The following FAM174A variants were observed in gnomAD, a reference collection of about 807,000 sequenced individuals.
FAM174A encodes the protein family with sequence similarity 174 member A, also known as membrane protein FAM174A.
A neutral mutation model predicts 14.3 loss-of-function variants in FAM174A; 14 were observed. The ratio of observed to expected loss-of-function variants is 0.98; its 90% CI spans 0.65 to 1.53. The LOEUF is 1.53. FAM174A is among the 40% of genes most tolerant of loss of function. The pLI, the probability that FAM174A is intolerant of heterozygous loss-of-function variation, is 0.00. For synonymous variants in FAM174A, 108 were observed against 111.4 expected (o/e 0.97, Z 0.19); for missense variants, 241 against 249.6 (o/e 0.97, Z 0.23).
At chr5:100,568,475 A>G (rs528974734) in intron 2 of FAM174A, among the ~76,000 whole-genome samples, 28 of 151,972 alleles carry the variant, frequency 1.8e-4, no homozygotes, top group African/African-American at 6.3e-4. Context: ...TATATAATAC[A>G]TAAATACACC....
intron 2 of FAM174A, among the ~76,000 whole-genome samples, chr5:100,571,777 T>C (rs557107497): frequency 2.0e-5 from 3 of 151,342 alleles, no homozygotes; most frequent in South Asian, 4.2e-4. Flanking sequence ...ACTGTTGTTA[T>C]TGTGATCAGT....
chr5:100,557,163 A>C (rs370570844), intron 1 of FAM174A, among the ~76,000 whole-genome samples: 2 of 152,158 alleles, frequency 1.3e-5, no homozygotes, highest in Non-Finnish European at 2.9e-5. Context: ...GCGTTGTTGA[A>C]TTTTGTCAAA....
In FAM174A at chr5:100,535,614, G is replaced by A; in HGVS notation, c.84G>A (p.Gly28=). The A allele has an allele frequency of 6.2e-7, 1 of 1,613,244 alleles. No homozygotes were observed. The highest frequency in any genetic ancestry group is 1.3e-5 in the African/African-American group (1 of 75,062). ...LLLLLLPELS[G]PLAVLLQAAE... ...TGCTGTTGCTGCCTGAACTAAGCGG[G>A]CCCCTGGCAGTCCTGCTGCAGGCAG... Residue 28 remains glycine, a synonymous_variant, in exon 1 of 3, where the codon GGG becomes GGA. Coordinates refer to ENST00000312637, the MANE Select transcript of FAM174A (RefSeq NM_198507.3).
At chr5:100,558,457 C>A (rs1746445886) in intron 1 of FAM174A, among the ~76,000 whole-genome samples, 1 of 152,126 alleles carries the variant, frequency 6.6e-6, no homozygotes, top group South Asian at 2.1e-4. Flanking sequence ...ATTAGGTCCG[C>A]CTGGTGCAGA....
intron 1 of FAM174A, among the ~76,000 whole-genome samples, chr5:100,538,581 T>G (rs1323473604): frequency 6.6e-6 from 1 of 152,028 alleles, no homozygotes; most frequent in Non-Finnish European, 1.5e-5. Flanking sequence ...TTGCCTAAAA[T>G]GAACACTTAA....
chr5:100,576,127 C>T (rs1746899203), intron 2 of FAM174A, among the ~76,000 whole-genome samples: 1 of 152,086 alleles, frequency 6.6e-6, no homozygotes, highest in Admixed American at 6.6e-5. Context: ...ATACATCAAA[C>T]TATTAACAAT....
intron 1 of FAM174A, among the ~76,000 whole-genome samples, chr5:100,544,142 G>A (rs889234648): frequency 1.3e-5 from 2 of 152,098 alleles, no homozygotes; most frequent in Non-Finnish European, 2.9e-5. Context: ...CAGGCAAACT[G>A]CTTGAATCCA....
intron 1 of FAM174A, among the ~76,000 whole-genome samples, chr5:100,549,317 C>G (rs1746218213): frequency 6.6e-6 from 1 of 152,034 alleles, no homozygotes; most frequent in Non-Finnish European, 1.5e-5. Context: ...CATCCTGAGC[C>G]TTAGGTCCTA....
intron 1 of FAM174A, among the ~76,000 whole-genome samples, chr5:100,549,196 A>G (rs1047431895): frequency 6.6e-6 from 1 of 152,140 alleles, no homozygotes; most frequent in African/African-American, 2.4e-5. Context: ...GAGAGGCTAC[A>G]AAGGATGAAT....
intron 2 of FAM174A, among the ~76,000 whole-genome samples, chr5:100,568,144 T>A (rs1056948417): frequency 6.6e-6 from 1 of 152,008 alleles, no homozygotes; most frequent in East Asian, 1.9e-4. Context: ...CATCAATATG[T>A]AATGATGATT....
At chr5:100,542,235 A>G (rs556430465) in intron 1 of FAM174A, among the ~76,000 whole-genome samples, 1 of 152,338 alleles carries the variant, frequency 6.6e-6, no homozygotes, top group African/African-American at 2.4e-5. Flanking sequence ...ACAGACATGT[A>G]TAGCCAGCCA....
At chr5:100,538,337 G>T (rs6860952) in intron 1 of FAM174A, among the ~76,000 whole-genome samples, 2 of 152,010 alleles carry the variant, frequency 1.3e-5, no homozygotes, top group African/African-American at 4.8e-5. Flanking sequence ...TTGAGGTGAT[G>T]CAGAAAATAT....
chr5:100,564,005 T>G (rs917303025), intron 2 of FAM174A, among the ~76,000 whole-genome samples: 2 of 151,806 alleles, frequency 1.3e-5, no homozygotes, highest in South Asian at 4.1e-4. Flanking sequence ...CTTGTGATAG[T>G]GAGTTCTTGC....
chr5:100,553,403 T>A (rs1746303092), intron 1 of FAM174A, among the ~76,000 whole-genome samples: 1 of 152,132 alleles, frequency 6.6e-6, no homozygotes, highest in Admixed American at 6.6e-5. Flanking sequence ...CCCCATATAG[T>A]AATACAGCAT....
chr5:100,583,186 G>A (rs1486087968), intron 2 of FAM174A, among the ~76,000 whole-genome samples: 1 of 152,146 alleles, frequency 6.6e-6, no homozygotes, highest in East Asian at 1.9e-4. Flanking sequence ...CGTTGAGTAG[G>A]CTGAAGAGAA....
intron 1 of FAM174A, among the ~76,000 whole-genome samples, chr5:100,558,229 T>A (rs1746438443): frequency 6.6e-6 from 1 of 152,218 alleles, no homozygotes; most frequent in South Asian, 2.1e-4. Flanking sequence ...TTGTTCAGTT[T>A]CCATGTAGTT....
chr5:100,583,290 T>C (rs1192263473), intron 2 of FAM174A, among the ~76,000 whole-genome samples: 1 of 152,150 alleles, frequency 6.6e-6, no homozygotes, highest in Non-Finnish European at 1.5e-5. Flanking sequence ...TTGGTGTAAC[T>C]TTACAGAAAC....
At chr5:100,582,003 C>A (rs969425976) in intron 2 of FAM174A, among the ~76,000 whole-genome samples, 8 of 152,006 alleles carry the variant, frequency 5.3e-5, no homozygotes, top group African/African-American at 1.9e-4. Context: ...TGAAAAAAAT[C>A]TTTTAGATAT....
chr5:100,548,333 A>G (rs996474569), intron 1 of FAM174A, among the ~76,000 whole-genome samples: 5 of 152,100 alleles, frequency 3.3e-5, no homozygotes, highest in African/African-American at 1.2e-4. Flanking sequence ...ATTAAGAGAG[A>G]GATTCATCAG....
Sources: gnomAD v4.1 joint callset for allele counts (sites outside exome capture counted in the v4.1 genomes callset) on GRCh38, gnomAD v4.1.1 for gene constraint, MANE v1.5 for transcripts, NCBI Gene and HGNC (gene_info 2026-07-23, HGNC 2026-07-21) for gene names.